The following ARHGAP42 variants were observed in gnomAD, a reference collection of about 807,000 sequenced individuals.
The protein encoded by ARHGAP42 is Rho GTPase activating protein 42.
Under a neutral mutation model 125.0 loss-of-function variants are expected in ARHGAP42, and 63 were observed. That is an observed-to-expected ratio of 0.50 (90% CI 0.41 to 0.62). ARHGAP42 has a LOEUF of 0.62. ARHGAP42 is among the 20% of genes least tolerant of loss of function. The pLI is 0.00. For synonymous variants in ARHGAP42, 339 were observed against 351.0 expected (o/e 0.97, Z 0.38); for missense variants, 766 against 1,024.2 (o/e 0.75, Z 3.44).
chr11:100,974,686 T>C (rs116718277), intron 19 of ARHGAP42, 83 bp downstream of exon 19: 6 of 1,346,390 alleles, frequency 4.5e-6, no homozygotes, highest in Non-Finnish European at 5.9e-6. Flanking sequence ...TAGGTAGAAA[T>C]AGAAGATGTT....
intron 4 of ARHGAP42, among the ~76,000 whole-genome samples, chr11:100,893,541 A>G (rs1866274487): frequency 6.6e-6 from 1 of 152,174 alleles, no homozygotes; most frequent in African/African-American, 2.4e-5. Flanking sequence ...ATAATTGGCA[A>G]ACGGGACAGA....
At chr11:100,781,221 G>T (rs550076504) in intron 2 of ARHGAP42, among the ~76,000 whole-genome samples, 1 of 151,786 alleles carries the variant, frequency 6.6e-6, no homozygotes, top group Non-Finnish European at 1.5e-5. Context: ...CATTTCTATA[G>T]TTCTAGGATC....
intron 2 of ARHGAP42, 123 bp downstream of exon 2, chr11:100,770,561 T>TTTTAC: frequency 1.3e-6 from 1 of 757,246 alleles, no homozygotes; most frequent in Non-Finnish European, 2.0e-6. Context: ...ATAAGAGTGA[T>TTTTAC]TTTAGGTTTC....
At chr11:100,794,539 G>A (rs1231514304) in intron 2 of ARHGAP42, among the ~76,000 whole-genome samples, 4 of 152,122 alleles carry the variant, frequency 2.6e-5, no homozygotes, top group Admixed American at 6.5e-5. Context: ...TGATGTTAAC[G>A]CTGAATTGAA....
chr11:100,909,212 C>T (rs757979702), intron 4 of ARHGAP42, among the ~76,000 whole-genome samples: 1 of 151,964 alleles, frequency 6.6e-6, no homozygotes, highest in Non-Finnish European at 1.5e-5. Context: ...ATTTCTTTTG[C>T]TGTTCAGAAG....
chr11:100,849,362 A>T (rs1171471487), intron 3 of ARHGAP42, among the ~76,000 whole-genome samples: 1 of 152,200 alleles, frequency 6.6e-6, no homozygotes, highest in African/African-American at 2.4e-5. Context: ...GATTTGGAAA[A>T]GACCAGGGCC....
At chr11:100,973,665 T>C (rs1378668073) in intron 18 of ARHGAP42, among the ~76,000 whole-genome samples, 2 of 152,144 alleles carry the variant, frequency 1.3e-5, no homozygotes, top group African/African-American at 4.8e-5. Flanking sequence ...CTTAATTATA[T>C]AGAGGTAATG....
chr11:100,843,480 G>T (rs991018903), intron 3 of ARHGAP42, among the ~76,000 whole-genome samples: 1 of 152,032 alleles, frequency 6.6e-6, no homozygotes, highest in Non-Finnish European at 1.5e-5. Context: ...AAGAAATGAA[G>T]GGCATCCAAA....
intron 6 of ARHGAP42, among the ~76,000 whole-genome samples, chr11:100,927,783 C>T (rs536426598): frequency 3.3e-5 from 5 of 152,274 alleles, no homozygotes; most frequent in South Asian, 4.1e-4. Context: ...ATTCCAATGA[C>T]GCTTTTCAGT....
intron 4 of ARHGAP42, among the ~76,000 whole-genome samples, chr11:100,875,093 CTCTCTCTCTCTCTCTGTGTGTGTG>C (rs1188840565): frequency 3.1e-5 from 3 of 95,920 alleles, no homozygotes; most frequent in Non-Finnish European, 6.6e-5. Context: ...CTCTCTCTCT[CTCTCTCTCTCTCTCTGTGTGTGTG>C]TGTGTGTGTG....
intron 1 of ARHGAP42, among the ~76,000 whole-genome samples, chr11:100,735,345 T>G (rs1862044188): frequency 6.6e-6 from 1 of 152,198 alleles, no homozygotes; most frequent in Admixed American, 6.5e-5. Context: ...CTGAACTATT[T>G]AAGAGGCTTG....
At chr11:100,735,002 A>AAAC (rs201001433) in intron 1 of ARHGAP42, among the ~76,000 whole-genome samples, 5,238 of 151,902 alleles carry the variant, frequency 0.034, 112 homozygotes, top group African/African-American at 0.043. Context: ...TACAACAACA[A>AAAC]AACAACAACA....
intron 3 of ARHGAP42, among the ~76,000 whole-genome samples, chr11:100,820,185 T>G (rs1325239760): frequency 6.6e-5 from 10 of 152,154 alleles, no homozygotes; most frequent in Admixed American, 6.6e-4. Flanking sequence ...AGCTGTCTCT[T>G]TTTCTCTGTT....
At chr11:100,787,148 G>A (rs969281669) in intron 2 of ARHGAP42, among the ~76,000 whole-genome samples, 3 of 151,894 alleles carry the variant, frequency 2.0e-5, no homozygotes, top group Admixed American at 2.0e-4. Context: ...CATGGTGGTG[G>A]GCGCCTGTAG....
intron 3 of ARHGAP42, among the ~76,000 whole-genome samples, chr11:100,796,290 C>T (rs1028881102): frequency 3.3e-5 from 5 of 152,198 alleles, no homozygotes; most frequent in African/African-American, 1.2e-4. Flanking sequence ...CCAAATAAGA[C>T]TGTGAACATA....
At chr11:100,690,490 T>C (rs2120164321) in intron 1 of ARHGAP42, among the ~76,000 whole-genome samples, 1 of 152,344 alleles carries the variant, frequency 6.6e-6, no homozygotes, top group Admixed American at 6.5e-5. Context: ...TTTGGAAGGC[T>C]CCTTTAAATT....
intron 3 of ARHGAP42, among the ~76,000 whole-genome samples, chr11:100,834,236 G>A (rs1214311189): frequency 6.6e-6 from 1 of 152,154 alleles, no homozygotes; most frequent in Non-Finnish European, 1.5e-5. Flanking sequence ...TAGTGGATTT[G>A]TGTTTGAACC....
intron 4 of ARHGAP42, among the ~76,000 whole-genome samples, chr11:100,865,555 A>G (rs1865549106): frequency 6.6e-6 from 1 of 152,212 alleles, no homozygotes; most frequent in Non-Finnish European, 1.5e-5. Flanking sequence ...AGGAGGTAAA[A>G]GATCTGTATA....
At chr11:100,795,886 A>C (rs1308678896) in intron 3 of ARHGAP42, among the ~76,000 whole-genome samples, 1 of 152,166 alleles carries the variant, frequency 6.6e-6, no homozygotes, top group African/African-American at 2.4e-5. Flanking sequence ...AACGATGCTG[A>C]TAGTCAGTTA....
Sources: allele counts gnomAD v4.1 joint callset (sites outside exome capture counted in the v4.1 genomes callset), GRCh38; gene constraint gnomAD v4.1.1; transcripts MANE v1.5; gene names NCBI Gene and HGNC (gene_info 2026-07-23, HGNC 2026-07-21).